SPAG9: variants seen among roughly 807,000 people sequenced by gnomAD.
SPAG9 encodes the protein C-Jun-amino-terminal kinase-interacting protein 4.
SPAG9 carries 35 observed loss-of-function variants against 166.5 expected under a neutral mutation model. The observed-to-expected ratio is 0.21, with a 90% CI of 0.16 to 0.28. The LOEUF (loss-of-function observed/expected upper bound fraction) is 0.28. Ranked by LOEUF, SPAG9 falls within the 10% of genes least tolerant of loss-of-function variation. The pLI, the probability that SPAG9 is intolerant of heterozygous loss-of-function variation, is 1.00. For missense variants in SPAG9, 1,235 were observed against 1,603.3 expected (o/e 0.77, Z 3.92); for synonymous variants, 534 against 565.5 (o/e 0.94, Z 0.79).
At chr17:51,053,852 A>ATATATAT (rs1276804629) in intron 3 of SPAG9, among the ~76,000 whole-genome samples, 23 of 49,302 alleles carry the variant, frequency 4.7e-4, no homozygotes, top group South Asian at 1.2e-3. Context: ...AAAAAAAAAA[A>ATATATAT]AAGTATATAT....
chr17:51,091,257 A>C (rs1315499633), intron 1 of SPAG9, among the ~76,000 whole-genome samples: 1 of 149,678 alleles, frequency 6.7e-6, no homozygotes, highest in Non-Finnish European at 1.5e-5. Flanking sequence ...TGAGCGACGG[A>C]TCAAGACCCT....
At chr17:51,105,479 G>A (rs1275938159) in intron 1 of SPAG9, among the ~76,000 whole-genome samples, 1 of 152,198 alleles carries the variant, frequency 6.6e-6, no homozygotes, top group East Asian at 1.9e-4. Context: ...TAAAGTTTCA[G>A]ATCTAAATAA....
intron 1 of SPAG9, among the ~76,000 whole-genome samples, chr17:51,117,027 T>A (rs1383023407): frequency 1.3e-5 from 2 of 152,100 alleles, no homozygotes; most frequent in Non-Finnish European, 1.5e-5. Flanking sequence ...GATGACAGAT[T>A]TCTTGATTAG....
intron 1 of SPAG9, among the ~76,000 whole-genome samples, chr17:51,115,716 G>C (rs2049268408): frequency 6.6e-6 from 1 of 152,022 alleles, no homozygotes; most frequent in Admixed American, 6.6e-5. Flanking sequence ...TGTAATCCCA[G>C]CTACTTGAGA....
At chr17:50,989,458 A>G (rs1975352367) in intron 21 of SPAG9, 1 of 571,466 alleles carries the variant, frequency 1.7e-6, no homozygotes, top group Admixed American at 3.0e-5. Context: ...TATAGATAAG[A>G]TTTTTTTTTT....
intron 2 of SPAG9, among the ~76,000 whole-genome samples, chr17:51,063,175 G>A (rs935758801): frequency 6.6e-6 from 1 of 152,136 alleles, no homozygotes; most frequent in African/African-American, 2.4e-5. Flanking sequence ...TTGGGAAGCC[G>A]AGGCAGGCGT....
At chr17:51,108,568 G>A (rs895563735) in intron 1 of SPAG9, among the ~76,000 whole-genome samples, 1 of 151,972 alleles carries the variant, frequency 6.6e-6, no homozygotes, top group African/African-American at 2.4e-5. Context: ...ACAATCAGGG[G>A]TCATTGCAAC....
chr17:51,085,681 T>C (rs1297181749), intron 1 of SPAG9, among the ~76,000 whole-genome samples: 3 of 152,158 alleles, frequency 2.0e-5, no homozygotes, highest in East Asian at 1.9e-4. Flanking sequence ...CAGATAAACT[T>C]AGAGATTACA....
At chr17:51,094,527 T>C (rs573850164) in intron 1 of SPAG9, among the ~76,000 whole-genome samples, 120 of 152,304 alleles carry the variant, frequency 7.9e-4, no homozygotes, top group Non-Finnish European at 1.4e-3. Flanking sequence ...CCAGCACTTT[T>C]TGTCTTTCTT....
chr17:50,974,706 G>A (rs1974093033), intron 28 of SPAG9, 65 bp downstream of exon 28: 4 of 1,411,710 alleles, frequency 2.8e-6, no homozygotes, highest in Non-Finnish European at 3.8e-6. Context: ...ATTAGGTAGT[G>A]GAACCAAGAG....
chr17:50,967,552 A>T (rs577837106), intron 29 of SPAG9, among the ~76,000 whole-genome samples: 96 of 152,346 alleles, frequency 6.3e-4, no homozygotes, highest in African/African-American at 2.2e-3. Flanking sequence ...AGGTGGTTAG[A>T]AGGTAAAAAA....
At chr17:51,052,536 G>C (rs981814858) in intron 3 of SPAG9, among the ~76,000 whole-genome samples, 1 of 151,948 alleles carries the variant, frequency 6.6e-6, no homozygotes, top group African/African-American at 2.4e-5. Context: ...AATCTGCCTT[G>C]GTTACTGGAC....
intron 2 of SPAG9, among the ~76,000 whole-genome samples, chr17:51,067,837 T>C (rs938117242): frequency 2.9e-4 from 44 of 152,228 alleles, no homozygotes; most frequent in Non-Finnish European, 5.4e-4. Context: ...CAGCCTCATT[T>C]TGAGCGCTCT....
chr17:50,966,101 C>T lies in SPAG9; in HGVS notation c.*171G>A. The T allele has an allele frequency of 1.7e-6, 1 of 599,852 alleles. No homozygotes were observed. The highest frequency in any genetic ancestry group is 3.0e-6 in the Non-Finnish European group (1 of 332,108). The allele number at this position is 599,852 out of a possible 1,614,324, so 37.2% of individuals were successfully genotyped here. On this transcript the variant is annotated 3_prime_UTR_variant, in exon 30 of 30. Coordinates refer to ENST00000262013, the MANE Select transcript of SPAG9 (RefSeq NM_001130528.3). ...ACTGGTGCAGTAACACAGCTAGTTC[C>T]TCTGTATTGTTATGGTAGAACGGAT...
At chr17:50,990,741 A>G (rs1471535779) in intron 19 of SPAG9, 73 bp from the exon 20 acceptor site, 16 of 1,258,728 alleles carry the variant, frequency 1.3e-5, no homozygotes, top group Non-Finnish European at 1.8e-5. Flanking sequence ...AAACAATTAC[A>G]GGTTTGAAAT....
intron 3 of SPAG9, among the ~76,000 whole-genome samples, chr17:51,056,167 C>A (rs2047357586): frequency 6.6e-6 from 1 of 152,144 alleles, no homozygotes; most frequent in Non-Finnish European, 1.5e-5. Context: ...AGTACTATAG[C>A]TGCCTTAAAT....
chr17:50,997,942 T>G (rs75540720), intron 15 of SPAG9, among the ~76,000 whole-genome samples: 1 of 152,052 alleles, frequency 6.6e-6, no homozygotes, highest in Non-Finnish European at 1.5e-5. Flanking sequence ...TCCTTCTCTT[T>G]TATAAAAACT....
At chr17:51,095,861 T>C (rs2048605264) in intron 1 of SPAG9, among the ~76,000 whole-genome samples, 1 of 145,466 alleles carries the variant, frequency 6.9e-6, no homozygotes, top group Admixed American at 7.1e-5. Flanking sequence ...TATAGTGATA[T>C]ATATATAGTG....
chr17:51,069,929 A>G (rs951304582), intron 2 of SPAG9, among the ~76,000 whole-genome samples: 1 of 152,184 alleles, frequency 6.6e-6, no homozygotes, highest in African/African-American at 2.4e-5. Flanking sequence ...TAAAGGAAGG[A>G]AGGGCGGAAT....
Sources: gnomAD v4.1 joint callset for allele counts (sites outside exome capture counted in the v4.1 genomes callset) on GRCh38, gnomAD v4.1.1 for gene constraint, MANE v1.5 for transcripts, NCBI Gene and HGNC (gene_info 2026-07-23, HGNC 2026-07-21) for gene names.